Variants in MCOLN2 observed in about 807,000 individuals in gnomAD.
The protein encoded by MCOLN2 is mucolipin TRP cation channel 2, also known as mucolipin-2.
MCOLN2 carries 57 observed loss-of-function variants against 67.5 expected under a neutral mutation model. The observed-to-expected ratio is 0.84, with a 90% CI of 0.68 to 1.05. The LOEUF (loss-of-function observed/expected upper bound fraction) is 1.05, where lower values mean the gene tolerates loss of function less well. Among genes scored for constraint, MCOLN2 ranks in the 50% least tolerant of loss-of-function variants. The pLI, the probability that MCOLN2 is intolerant of heterozygous loss-of-function variation, is 0.00. For synonymous variants in MCOLN2, 246 were observed against 233.3 expected (o/e 1.05, Z -0.50); for missense variants, 620 against 678.8 (o/e 0.91, Z 0.96).
intron 1 of MCOLN2, among the ~76,000 whole-genome samples, chr1:84,985,131 G>A (rs1374008824): frequency 2.6e-5 from 4 of 151,498 alleles, no homozygotes; most frequent in Non-Finnish European, 5.9e-5. Context: ...CTGATGGAAC[G>A]AACCCAGCAT....
intron 1 of MCOLN2, among the ~76,000 whole-genome samples, chr1:84,970,272 C>G (rs577667236): frequency 6.6e-6 from 1 of 151,512 alleles, no homozygotes; most frequent in Non-Finnish European, 1.5e-5. Flanking sequence ...CCCCCACCCC[C>G]CAACACACAC....
At chr1:84,933,148 G>T (rs368797932) in intron 11 of MCOLN2, among the ~76,000 whole-genome samples, 15 of 152,084 alleles carry the variant, frequency 9.9e-5, no homozygotes, top group African/African-American at 3.6e-4. Flanking sequence ...AATGTTCAAG[G>T]GTCATTTCAG....
intron 1 of MCOLN2, among the ~76,000 whole-genome samples, chr1:84,968,130 T>C (rs2102862544): frequency 6.6e-6 from 1 of 152,232 alleles, no homozygotes; most frequent in South Asian, 2.1e-4. Context: ...GCATCAAAAC[T>C]GCCTGTCCTC....
rs200572431 is a variant in MCOLN2 at position 84,952,345 on chromosome 1, T to A, written c.651-6A>T. On this transcript the variant is annotated splice_polypyrimidine_tract_variant and splice_region_variant and intron_variant, in intron 5 of 13. Coordinates refer to ENST00000370608, the MANE Select transcript of MCOLN2 (RefSeq NM_153259.4). ...AGATTTCAACCTGTAAGAGCCTGAATAAAATATATTGAAAGGTATAAATTG... is the reference window on the plus strand; with the variant it reads ...AGATTTCAACCTGTAAGAGCCTGAAAAAAATATATTGAAAGGTATAAATTG... The A allele has an allele frequency of 6.8e-6, 11 of 1,607,174 alleles. No homozygotes were observed. Among genetic ancestry groups the A allele is most frequent in the East Asian group, 2.2e-5 (1 of 44,780 alleles).
intron 4 of MCOLN2, among the ~76,000 whole-genome samples, chr1:84,954,184 AAT>A: frequency 6.6e-6 from 1 of 152,350 alleles, no homozygotes; most frequent in East Asian, 1.9e-4. Flanking sequence ...ACTTACGTTT[AAT>A]GAAAATTAGA....
Position 84,947,047 on chromosome 1 carries a change from T to A in MCOLN2, c.833A>T (p.Asn278Ile). The A allele has an allele frequency of 6.5e-7, 1 of 1,545,634 alleles. No homozygotes were observed. The highest frequency in any genetic ancestry group is 8.9e-7 in the Non-Finnish European group (1 of 1,118,406). The change falls in exon 7 of 14, where the codon AAC (asparagine) becomes ATC (isoleucine). Residue 278 changes from asparagine to isoleucine, a missense_variant. Transcript: ENST00000370608. Reference protein sequence around the residue: ...DAKIEECKDLNIFGSTQKNAQ... With the variant: ...DAKIEECKDLIIFGSTQKNAQ... The stretch of plus-strand genomic sequence containing the variant: ...AGCATACTTACTAGATCCAAATATG[T>A]TCAAGTCTTTACATTCTTCAATTTT...
At chr1:84,990,444 A>AT (rs1392346803) in intron 1 of MCOLN2, among the ~76,000 whole-genome samples, 1 of 147,642 alleles carries the variant, frequency 6.8e-6, no homozygotes, top group Non-Finnish European at 1.5e-5. Context: ...TATAATAATA[A>AT]TTAAAAAAAA....
rs1043058785 is a variant in MCOLN2 at position 84,926,404 on chromosome 1, G to A, written c.*281C>T. On this transcript the variant is annotated 3_prime_UTR_variant, in exon 14 of 14. Coordinates refer to ENST00000370608, the MANE Select transcript of MCOLN2 (RefSeq NM_153259.4). ...CTCTGAAATGATCTTTTTCCATTCC[G>A]AGATCATGTCATAAATTAACAGACT... 3.3e-5 allele frequency: 10 copies of A among 305,236 alleles called. No homozygotes were observed. The highest frequency in any genetic ancestry group is 5.4e-5 in the Non-Finnish European group (9 of 167,426). 18.9% of individuals were successfully genotyped at this position (305,236 alleles called of 1,614,324 possible). A position where few individuals can be genotyped will look rare whatever the true frequency, so the allele number is the denominator to read the frequency against.
At chr1:84,975,553 A>G (rs1010242942) in intron 1 of MCOLN2, among the ~76,000 whole-genome samples, 1 of 152,164 alleles carries the variant, frequency 6.6e-6, no homozygotes, top group Non-Finnish European at 1.5e-5. Context: ...AGCCTTCTGA[A>G]GAAGGACAGA....
chr1:84,935,965 A>T (rs1329206612), intron 11 of MCOLN2, among the ~76,000 whole-genome samples: 1 of 152,208 alleles, frequency 6.6e-6, no homozygotes, highest in African/African-American at 2.4e-5. Flanking sequence ...TCTTGCAATG[A>T]TCTGTTTTAG....
intron 1 of MCOLN2, among the ~76,000 whole-genome samples, chr1:84,979,818 T>C (rs968244200): frequency 5.9e-5 from 9 of 152,186 alleles, no homozygotes; most frequent in African/African-American, 2.2e-4. Flanking sequence ...CTGGAAGTTC[T>C]AGCTAGAGCA....
In MCOLN2 at chr1:84,958,697, A is replaced by G. The variant is rs889458200; in HGVS notation, c.243T>C (p.Val81=). The G allele has an allele frequency of 1.3e-5, 20 of 1,571,038 alleles. No individual in the cohort carries two copies. The highest frequency in any genetic ancestry group is 1.7e-5 in the Non-Finnish European group (20 of 1,164,820). ...LKIVMVTTQL[V]RFGLSNQLVV... ...CCAGCTGGTTACTTAAACCAAAACG[A>G]ACAAGCTAAAAAATAAAATAAAATA... is the stretch of plus-strand genomic sequence containing the variant. Residue 81 remains valine (V), a synonymous_variant, in exon 3 of 14, where the codon GTT becomes GTC. Coordinates refer to ENST00000370608, the MANE Select transcript of MCOLN2 (RefSeq NM_153259.4).
intron 1 of MCOLN2, among the ~76,000 whole-genome samples, chr1:84,982,393 T>C (rs981583207): frequency 6.6e-6 from 1 of 152,206 alleles, no homozygotes; most frequent in Non-Finnish European, 1.5e-5. Context: ...GGCCTTGGCC[T>C]CCCAAAATGC....
In MCOLN2 at chr1:84,929,590, T is replaced by A; in HGVS notation, c.1632A>T (p.Ser544=). Residue 544 remains serine, a synonymous_variant, in exon 13 of 14, where the codon TCA becomes TCT. Transcript: ENST00000370608. ...GACAGCAGATGCAGGACAGGAAGGC[T>A]GAGGACTCTTTCTGATACTCTTCTT... is the stretch of plus-strand genomic sequence containing the variant. ...SSKEEYQKES[S]AFLSCICCRR... 6.2e-7 allele frequency: 1 copy of A among 1,613,834 alleles called. No homozygotes were observed. Among genetic ancestry groups the A allele is most frequent in the Non-Finnish European group, 8.5e-7 (1 of 1,179,804 alleles).
chr1:84,966,370 A>G (rs572134934), intron 1 of MCOLN2, among the ~76,000 whole-genome samples: 7 of 152,200 alleles, frequency 4.6e-5, no homozygotes, highest in African/African-American at 1.7e-4. Context: ...TAGAGCATTC[A>G]TCTGTCACTA....
At chr1:84,969,542 G>C (rs1015286565) in intron 1 of MCOLN2, among the ~76,000 whole-genome samples, 4 of 147,998 alleles carry the variant, frequency 2.7e-5, no homozygotes, top group African/African-American at 1.0e-4. Flanking sequence ...CTGCACTCCA[G>C]TCTGGATGAC....
chr1:84,940,916 C>T lies in MCOLN2; in HGVS notation c.923G>A (p.Cys308Tyr). 1.2e-6 allele frequency: 2 copies of T among 1,613,460 alleles called. No individual in the cohort carries two copies. The highest frequency in any genetic ancestry group is 1.3e-5 in the African/African-American group (1 of 75,002). ...TAGAGCAAGAACAATGGATCTTGTA[C>T]ACAGAATAAGAGATGCCAAGCAAAT... ...IVICLASLIL[C>Y]TRSIVLALRL... The change falls in exon 8 of 14, where the codon TGT becomes TAT. Residue 308 changes from cysteine to tyrosine, a missense_variant. By Grantham distance (194) the Cys-to-Tyr change is radical (BLOSUM62 -2). Coordinates refer to ENST00000370608, the MANE Select transcript of MCOLN2 (RefSeq NM_153259.4).
intron 1 of MCOLN2, among the ~76,000 whole-genome samples, chr1:84,971,023 CTG>C (rs1281622691): frequency 5.9e-5 from 9 of 152,224 alleles, no homozygotes; most frequent in African/African-American, 2.2e-4. Flanking sequence ...CAGATAATGA[CTG>C]TGAGATCACT....
intron 8 of MCOLN2, 92 bp downstream of exon 8, chr1:84,940,787 A>AT: frequency 1.3e-6 from 1 of 743,988 alleles, no homozygotes; most frequent in Non-Finnish European, 2.2e-6. Flanking sequence ...GGTCTCCAAA[A>AT]AAGGCAGGTG....
Sources: gnomAD v4.1 joint callset for allele counts (sites outside exome capture counted in the v4.1 genomes callset) on GRCh38, gnomAD v4.1.1 for gene constraint, MANE v1.5 for transcripts, NCBI Gene and HGNC (gene_info 2026-07-23, HGNC 2026-07-21) for gene names.